Variants in INPP4B observed in about 807,000 individuals in gnomAD.
INPP4B encodes the protein inositol polyphosphate 4-phosphatase type II.
A neutral mutation model predicts 122.5 loss-of-function variants in INPP4B; 55 were observed. The observed-to-expected ratio is 0.45, with a 90% CI of 0.36 to 0.56. The LOEUF (loss-of-function observed/expected upper bound fraction) is 0.56. INPP4B is among the 20% of genes least tolerant of loss of function. The probability of loss-of-function intolerance (pLI) is 0.00; values close to 1 mark genes in which losing one functional copy is unlikely to be tolerated. For missense variants in INPP4B, 1,000 were observed against 1,097.7 expected, an observed-to-expected ratio of 0.91 and a Z score of 1.26; for synonymous variants, 403 against 388.7, an observed-to-expected ratio of 1.04 and a Z score of -0.43.
chr4:142,258,633 G>T (rs1326537284), intron 11 of INPP4B, among the ~76,000 whole-genome samples: 5 of 152,204 alleles, frequency 3.3e-5, no homozygotes, highest in Non-Finnish European at 7.3e-5. Flanking sequence ...TCAGAGAAAT[G>T]CAAATCAAAA....
intron 23 of INPP4B, among the ~76,000 whole-genome samples, chr4:142,087,977 A>G (rs1777627962): frequency 6.6e-6 from 1 of 152,206 alleles, no homozygotes; most frequent in South Asian, 2.1e-4. Context: ...AAATAGTCAT[A>G]TAAAATATAT....
chr4:142,829,397 G>C (rs1217948344), intron 1 of INPP4B, among the ~76,000 whole-genome samples: 1 of 152,144 alleles, frequency 6.6e-6, no homozygotes, highest in East Asian at 1.9e-4. Flanking sequence ...CTTTTGCCCT[G>C]TGAGGTCCCC....
rs1345197883 is a variant in INPP4B at position 142,027,338 on chromosome 4, G to T, written c.*1444C>A. 1 of 152,168 alleles carries T rather than the reference G, an allele frequency of 6.6e-6. No homozygotes were observed. The highest frequency in any genetic ancestry group is 1.5e-5 in the Non-Finnish European group (1 of 68,024). 9.4% of individuals were successfully genotyped at this position (152,168 alleles called of 1,614,324 possible). A position where few individuals can be genotyped will look rare whatever the true frequency, so the allele number is the denominator to read the frequency against. The stretch of plus-strand genomic sequence containing the variant: ...CAAGGAGCTATCACATTAGCTATGG[G>T]AAGCATAATATCATCCATTGATCAT... On this transcript the variant is annotated 3_prime_UTR_variant, in exon 26 of 26. Transcript: ENST00000262992.
intron 2 of INPP4B, among the ~76,000 whole-genome samples, chr4:142,544,239 C>G (rs1286865190): frequency 6.6e-6 from 1 of 150,750 alleles, no homozygotes; most frequent in Non-Finnish European, 1.5e-5. Flanking sequence ...AGCAGAATAA[C>G]CAGAAGCGTT....
At chr4:142,514,869 C>T (rs1230045219) in intron 2 of INPP4B, among the ~76,000 whole-genome samples, 2 of 149,372 alleles carry the variant, frequency 1.3e-5, no homozygotes, top group African/African-American at 5.0e-5. Context: ...GATCCTGGCT[C>T]ACCTCAACCT....
chr4:142,174,314 C>T (rs945877102), intron 15 of INPP4B, among the ~76,000 whole-genome samples: 2 of 152,026 alleles, frequency 1.3e-5, no homozygotes, highest in Non-Finnish European at 2.9e-5. Context: ...AGGTGTGTAA[C>T]GTTAGTAGTC....
At chr4:142,441,656 A>T (rs1811746316) in intron 3 of INPP4B, among the ~76,000 whole-genome samples, 1 of 152,174 alleles carries the variant, frequency 6.6e-6, no homozygotes, top group East Asian at 1.9e-4. Flanking sequence ...AATTAATCTT[A>T]AGGTGCAAAA....
At position 142,177,813 on chromosome 4, in the gene INPP4B, G is replaced by A. The variant is rs75010651; in HGVS notation, c.1182-4004C>T. 6.6e-3 allele frequency among the ~76,000 whole-genome samples: 1,011 copies of A among 152,122 alleles called. 10 individuals carry two copies. Among genetic ancestry groups the A allele is most frequent in the Non-Finnish European group, 0.012 (797 of 68,002 alleles). On this transcript the variant is annotated intron_variant, in intron 15 of 25. Transcript: ENST00000262992. ...AATGAAGTAACATTCACATTCATAA[G>A]CTCTAATTGCTAACCAAAATACAAT... is the stretch of plus-strand genomic sequence containing the variant.
At chr4:142,399,593 C>T (rs894430678) in intron 7 of INPP4B, among the ~76,000 whole-genome samples, 1 of 152,120 alleles carries the variant, frequency 6.6e-6, no homozygotes, top group African/African-American at 2.4e-5. Context: ...CCTGAAAATA[C>T]TTTTGTCTAA....
At chr4:142,675,199 C>CTATATA (rs1757571308) in intron 2 of INPP4B, among the ~76,000 whole-genome samples, 1 of 152,014 alleles carries the variant, frequency 6.6e-6, no homozygotes, top group South Asian at 2.1e-4. Context: ...TACAAACCAC[C>CTATATA]GTCAGAGAAT....
intron 18 of INPP4B, 23 bp downstream of exon 18, chr4:142,145,817 T>TG (rs774037818): frequency 1.9e-6 from 3 of 1,610,222 alleles, no homozygotes; most frequent in South Asian, 1.1e-5. Flanking sequence ...AGTAAATGAT[T>TG]GGGAAAAAAA....
intron 21 of INPP4B, among the ~76,000 whole-genome samples, chr4:142,118,426 G>A (rs951454558): frequency 1.1e-4 from 16 of 152,078 alleles, no homozygotes; most frequent in African/African-American, 4.8e-5. Flanking sequence ...AAACAGCATG[G>A]TACTGGTACC....
intron 21 of INPP4B, among the ~76,000 whole-genome samples, chr4:142,120,721 A>G (rs35656381): frequency 0.21 from 31,759 of 152,010 alleles, 3,385 homozygotes; most frequent in South Asian, 0.27. Flanking sequence ...AATTGTGTTC[A>G]CAGGGCCAGG....
rs2149358182 is a variant in INPP4B at position 142,193,118 on chromosome 4, G to T, written c.1150C>A (p.Leu384Ile). Residue 384 changes from leucine (L) to isoleucine (I), a missense_variant, in exon 15 of 26, where the codon CTA becomes ATA. By Grantham distance (5) the Leu-to-Ile change is conservative (BLOSUM62 2). Coordinates refer to ENST00000262992, the MANE Select transcript of INPP4B (RefSeq NM_001101669.3). ...QGFKNGGLRKLLHRFETERRN... is the reference protein window; with the variant it reads ...QGFKNGGLRKILHRFETERRN... Reference sequence around the variant, plus strand: ...CTTTCTGTTTCAAATCTATGGAGTAGCTTCCGAAGACCACCATTCTTAAAT... The same window carrying T: ...CTTTCTGTTTCAAATCTATGGAGTATCTTCCGAAGACCACCATTCTTAAAT... 6.2e-7 allele frequency: 1 copy of T among 1,611,746 alleles called. No individual in the cohort carries two copies. Among genetic ancestry groups the T allele is most frequent in the Non-Finnish European group, 8.5e-7 (1 of 1,177,926 alleles).
chr4:142,199,507 C>A (rs1475825982), intron 14 of INPP4B, among the ~76,000 whole-genome samples: 1 of 151,982 alleles, frequency 6.6e-6, no homozygotes, highest in Non-Finnish European at 1.5e-5. Context: ...AATATGCTGT[C>A]TAAACAGGAA....
chr4:142,064,576 C>T (rs748726289), intron 25 of INPP4B, among the ~76,000 whole-genome samples: 6 of 152,104 alleles, frequency 3.9e-5, no homozygotes, highest in Admixed American at 1.3e-4. Context: ...ATTTCAAGAG[C>T]AGCTGCTATA....
chr4:142,544,130 G>GTGTGTGTGTGTGTGTGT (rs55638202), intron 2 of INPP4B, among the ~76,000 whole-genome samples: 16,455 of 133,020 alleles, frequency 0.12, 1,908 homozygotes, highest in East Asian at 0.26. Flanking sequence ...GTGTGTGTGT[G>GTGTGTGTGTGTGTGTGT]GTGTGTGTGT....
In INPP4B at chr4:142,367,979, T is replaced by C. The variant is rs555424365; in HGVS notation, c.372+34959A>G. Reference sequence around the variant, plus strand: ...ACAAATGTGCCTATCACCCAGTGTATTTCCTGTCCCTCCGTATTAAGAAAC... The same window carrying C: ...ACAAATGTGCCTATCACCCAGTGTACTTCCTGTCCCTCCGTATTAAGAAAC... On this transcript the variant is annotated intron_variant, in intron 7 of 25. Coordinates refer to ENST00000262992, the MANE Select transcript of INPP4B (RefSeq NM_001101669.3). Among the ~76,000 whole-genome samples the C allele has an allele frequency of 2.6e-5, 4 of 152,274 alleles. No homozygotes were observed. In the South Asian group the frequency reaches 8.3e-4, roughly 32 times the overall value.
chr4:142,429,149 T>C (rs1344158276), intron 5 of INPP4B, 24 bp downstream of exon 5: 3 of 1,370,460 alleles, frequency 2.2e-6, no homozygotes, highest in Non-Finnish European at 2.1e-6. Flanking sequence ...TATTTATTGA[T>C]ATAAATAAGA....
Sources: gnomAD v4.1 joint callset for allele counts (sites outside exome capture counted in the v4.1 genomes callset) on GRCh38, gnomAD v4.1.1 for gene constraint, MANE v1.5 for transcripts, NCBI Gene and HGNC (gene_info 2026-07-23, HGNC 2026-07-21) for gene names.